PRKCA: variants seen among roughly 807,000 people sequenced by gnomAD.
PRKCA encodes the protein protein kinase C alpha type.
A neutral mutation model predicts 87.0 loss-of-function variants in PRKCA; 27 were observed. That is an observed-to-expected ratio of 0.31 (90% CI 0.23 to 0.43). The LOEUF (loss-of-function observed/expected upper bound fraction) is 0.43, where lower values mean the gene tolerates loss of function less well. Ranked by LOEUF, PRKCA falls within the 20% of genes least tolerant of loss-of-function variation. The pLI is 1.00. For synonymous variants in PRKCA, 329 were observed against 311.1 expected (o/e 1.06, Z -0.61); for missense variants, 518 against 852.3 (o/e 0.61, Z 4.88).
At chr17:66,480,713 G>C (rs1324070233) in intron 2 of PRKCA, among the ~76,000 whole-genome samples, 1 of 151,632 alleles carries the variant, frequency 6.6e-6, no homozygotes, top group African/African-American at 2.4e-5. Flanking sequence ...TGAAACCAAA[G>C]CCAAACCAGA....
chr17:66,421,528 TC>T (rs1289946012), intron 2 of PRKCA, among the ~76,000 whole-genome samples: 1 of 150,050 alleles, frequency 6.7e-6, no homozygotes, highest in Non-Finnish European at 1.5e-5. Flanking sequence ...TCTTCTCTTC[TC>T]TTCTCTTTTC....
chr17:66,727,081 G>A (rs1420568276), intron 8 of PRKCA, among the ~76,000 whole-genome samples: 1 of 152,160 alleles, frequency 6.6e-6, no homozygotes, highest in African/African-American at 2.4e-5. Flanking sequence ...CTTTGGGGAG[G>A]GGTTTTGCTG....
At chr17:66,577,937 T>TGCCACCCC (rs1314575448) in intron 3 of PRKCA, among the ~76,000 whole-genome samples, 2 of 151,988 alleles carry the variant, frequency 1.3e-5, no homozygotes, top group Non-Finnish European at 2.9e-5. Flanking sequence ...CCTGTCACCC[T>TGCCACCCC]GCCACCCCCT....
At chr17:66,303,132 A>G in intron 1 of PRKCA, 108 bp downstream of exon 1, 1 of 1,424,388 alleles carries the variant, frequency 7.0e-7, no homozygotes, top group Non-Finnish European at 9.4e-7. Context: ...GATAACTTGG[A>G]ACCGGCGGGA....
At chr17:66,349,543 TG>T (rs548889394) in intron 2 of PRKCA, among the ~76,000 whole-genome samples, 152 of 152,332 alleles carry the variant, frequency 1.0e-3, no homozygotes, top group African/African-American at 3.5e-3. Context: ...ATTTTTCTTC[TG>T]GCCTTTTGCA....
Position 66,642,980 on chromosome 17 carries a change from CTG to C in PRKCA, c.400+1517_400+1518del, listed in dbSNP as rs371516146. 8.9e-4 allele frequency among the ~76,000 whole-genome samples: 135 copies of C among 152,256 alleles called. 1 individual carries two copies. The Middle Eastern group carries it at 0.017, about 19-fold the overall frequency. ...GCTTGAACCCAGGAGGCGGCGGTTG[CTG>C]TGAGCCAAGATTGTGCCATTGCACT... On this transcript the variant is annotated intron_variant, in intron 4 of 16. Coordinates refer to ENST00000413366, the MANE Select transcript of PRKCA (RefSeq NM_002737.3).
At chr17:66,587,935 T>G in intron 3 of PRKCA, among the ~76,000 whole-genome samples, 1 of 113,820 alleles carries the variant, frequency 8.8e-6, no homozygotes, top group East Asian at 3.1e-4. Flanking sequence ...ATATATATCC[T>G]GCAGTAGCTC....
chr17:66,645,315 C>A, intron 4 of PRKCA, 68 bp from the exon 5 acceptor site: 1 of 1,606,678 alleles, frequency 6.2e-7, no homozygotes, highest in Admixed American at 1.7e-5. Context: ...TGCTCATGCA[C>A]CAAAACACTG....
intron 3 of PRKCA, among the ~76,000 whole-genome samples, chr17:66,617,863 A>G (rs1970557702): frequency 6.6e-6 from 1 of 152,144 alleles, no homozygotes; most frequent in African/African-American, 2.4e-5. Context: ...TTTTTGAACC[A>G]AGATTGAGAG....
intron 8 of PRKCA, among the ~76,000 whole-genome samples, chr17:66,718,346 T>C (rs983553002): frequency 6.6e-6 from 1 of 152,172 alleles, no homozygotes; most frequent in Non-Finnish European, 1.5e-5. Context: ...AGGGTCTCAT[T>C]CTGATGCCCA....
chr17:66,719,249 A>G (rs1177073289), intron 8 of PRKCA, among the ~76,000 whole-genome samples: 4 of 152,092 alleles, frequency 2.6e-5, no homozygotes, highest in Non-Finnish European at 4.4e-5. Flanking sequence ...GTAGTAGGAT[A>G]TGATGCAGTC....
intron 8 of PRKCA, among the ~76,000 whole-genome samples, chr17:66,726,682 T>G (rs1041553886): frequency 1.3e-5 from 2 of 150,150 alleles, no homozygotes; most frequent in African/African-American, 4.9e-5. Flanking sequence ...CTCAGCCTTC[T>G]CTCTGTCGTG....
chr17:66,378,454 A>C (rs1338426601), intron 2 of PRKCA, among the ~76,000 whole-genome samples: 1 of 152,176 alleles, frequency 6.6e-6, no homozygotes, highest in East Asian at 1.9e-4. Flanking sequence ...ATGACTATTA[A>C]TACCATCTAC....
chr17:66,304,114 T>C (rs1441782923), intron 1 of PRKCA, among the ~76,000 whole-genome samples: 1 of 152,160 alleles, frequency 6.6e-6, no homozygotes, highest in Non-Finnish European at 1.5e-5. Flanking sequence ...AGAGATCAGG[T>C]AATCGCCAAT....
intron 2 of PRKCA, among the ~76,000 whole-genome samples, chr17:66,443,499 T>A (rs959955467): frequency 5.9e-5 from 9 of 152,150 alleles, no homozygotes; most frequent in African/African-American, 2.2e-4. Flanking sequence ...AAGAATGAAC[T>A]TGACTCAATA....
At chr17:66,408,926 C>T (rs1858717249) in intron 2 of PRKCA, among the ~76,000 whole-genome samples, 1 of 150,708 alleles carries the variant, frequency 6.6e-6, no homozygotes, top group Admixed American at 6.7e-5. Flanking sequence ...GTGGTGTGCG[C>T]CTGTAATCCC....
At chr17:66,450,049 A>T (rs1277740978) in intron 2 of PRKCA, among the ~76,000 whole-genome samples, 1 of 151,728 alleles carries the variant, frequency 6.6e-6, no homozygotes, top group Non-Finnish European at 1.5e-5. Flanking sequence ...GTTTATAGCC[A>T]CAATAGAATG....
intron 2 of PRKCA, among the ~76,000 whole-genome samples, chr17:66,351,412 A>G (rs1043199356): frequency 1.3e-5 from 2 of 152,156 alleles, no homozygotes; most frequent in Non-Finnish European, 2.9e-5. Flanking sequence ...TTAGTCTGTG[A>G]GACTCTTTCC....
At chr17:66,649,109 A>AAAAG (rs368420752) in intron 5 of PRKCA, among the ~76,000 whole-genome samples, 2 of 151,966 alleles carry the variant, frequency 1.3e-5, no homozygotes, top group African/African-American at 4.8e-5. Flanking sequence ...AAAAAAAAAA[A>AAAAG]AAAGAAAGAA....
Sources: allele counts gnomAD v4.1 joint callset (sites outside exome capture counted in the v4.1 genomes callset), GRCh38; gene constraint gnomAD v4.1.1; transcripts MANE v1.5; gene names NCBI Gene and HGNC (gene_info 2026-07-23, HGNC 2026-07-21).